LRRC4C: variants seen among roughly 807,000 people sequenced by gnomAD.
LRRC4C encodes the protein leucine-rich repeat-containing protein 4C.
A neutral mutation model predicts 33.6 loss-of-function variants in LRRC4C; 5 were observed. The observed-to-expected ratio is 0.15, with a 90% CI of 0.08 to 0.31. LRRC4C has a LOEUF of 0.31. Ranked by LOEUF, LRRC4C falls within the 10% of genes least tolerant of loss-of-function variation. The pLI is 1.00. For synonymous variants in LRRC4C, 329 were observed against 302.0 expected, an observed-to-expected ratio of 1.09 and a Z score of -0.93; for missense variants, 560 against 796.7, an observed-to-expected ratio of 0.70 and a Z score of 3.58.
intron 2 of LRRC4C, among the ~76,000 whole-genome samples, chr11:40,851,752 G>C (rs1448166835): frequency 2.6e-5 from 4 of 152,142 alleles, no homozygotes; most frequent in Admixed American, 2.6e-4. Flanking sequence ...CCTGGCAACA[G>C]AGTGAGACTC....
intron 1 of LRRC4C, among the ~76,000 whole-genome samples, chr11:41,453,469 A>G (rs764024580): frequency 2.6e-5 from 4 of 152,114 alleles, no homozygotes; most frequent in Non-Finnish European, 4.4e-5. Context: ...TTGCATTTAC[A>G]GAAGGCTTGC....
intron 5 of LRRC4C, among the ~76,000 whole-genome samples, chr11:40,151,585 A>G (rs766525178): frequency 6.6e-5 from 10 of 152,212 alleles, no homozygotes; most frequent in Non-Finnish European, 1.5e-4. Context: ...TCAGCCTTAA[A>G]TTGTTCTGAA....
intron 4 of LRRC4C, among the ~76,000 whole-genome samples, chr11:40,313,976 T>C (rs755745263): frequency 1.1e-4 from 16 of 151,914 alleles, no homozygotes; most frequent in Non-Finnish European, 2.2e-4. Flanking sequence ...CTCAACAGCA[T>C]GGGCAACAAA....
intron 2 of LRRC4C, among the ~76,000 whole-genome samples, chr11:40,759,828 C>T (rs189513329): frequency 6.6e-6 from 1 of 151,790 alleles, no homozygotes; most frequent in African/African-American, 2.4e-5. Context: ...ACTAAGGGAA[C>T]TTCTAGCCAA....
chr11:40,498,448 C>T (rs73480145), intron 3 of LRRC4C, among the ~76,000 whole-genome samples: 2,530 of 152,222 alleles, frequency 0.017, 43 homozygotes, highest in Middle Eastern at 0.024. Flanking sequence ...AGGTTTACTT[C>T]TTCTCCAAAT....
Position 41,084,847 on chromosome 11 carries a change from T to A in LRRC4C, c.-495-151124A>T, listed in dbSNP as rs1028205914. Among the ~76,000 whole-genome samples the A allele has an allele frequency of 2.0e-5, 3 of 152,132 alleles. No homozygotes were observed. The East Asian group carries it at 5.8e-4, about 29-fold the overall frequency. ...CCGGGTGAAAGAGTGAGACTCTGTC[T>A]AAAACAAACAAAAAACAAACAAACC... On this transcript the variant is annotated intron_variant, in intron 1 of 6. Coordinates refer to ENST00000528697, the MANE Select transcript of LRRC4C (RefSeq NM_001258419.2).
At chr11:40,748,727 T>A (rs954917782) in intron 2 of LRRC4C, among the ~76,000 whole-genome samples, 1 of 152,110 alleles carries the variant, frequency 6.6e-6, no homozygotes, top group Non-Finnish European at 1.5e-5. Context: ...ATATGCTGCC[T>A]ACTAGAAACG....
intron 3 of LRRC4C, among the ~76,000 whole-genome samples, chr11:40,361,482 G>C (rs1294236582): frequency 6.6e-6 from 1 of 152,126 alleles, no homozygotes; most frequent in Non-Finnish European, 1.5e-5. Flanking sequence ...AAGAATATTA[G>C]GTTGGTGCAA....
chr11:41,214,985 T>A (rs1385858417), intron 1 of LRRC4C, among the ~76,000 whole-genome samples: 1 of 145,588 alleles, frequency 6.9e-6, no homozygotes, highest in Non-Finnish European at 1.5e-5. Flanking sequence ...ATTTCCTATG[T>A]TCATTCTCAA....
intron 3 of LRRC4C, 134 bp downstream of exon 3, chr11:40,648,008 T>G (rs7939105): frequency 0.37 from 56,666 of 152,068 alleles, 11,746 homozygotes; most frequent in East Asian, 0.6. Context: ...CATCCACATG[T>G]GTACATTCGG....
intron 3 of LRRC4C, among the ~76,000 whole-genome samples, chr11:40,527,833 C>G (rs915969547): frequency 8.5e-5 from 13 of 152,110 alleles, no homozygotes; most frequent in African/African-American, 3.1e-4. Context: ...ACCACAACCT[C>G]CACCTCCCGG....
intron 1 of LRRC4C, among the ~76,000 whole-genome samples, chr11:41,334,562 G>A (rs534134628): frequency 6.6e-6 from 1 of 152,216 alleles, no homozygotes; most frequent in East Asian, 1.9e-4. Flanking sequence ...GCCAGGCATG[G>A]TGGCTCATGC....
intron 1 of LRRC4C, among the ~76,000 whole-genome samples, chr11:41,171,013 T>C (rs1944952736): frequency 6.6e-6 from 1 of 152,054 alleles, no homozygotes; most frequent in Admixed American, 6.6e-5. Flanking sequence ...ATGCTCATCA[T>C]CACTGGCCAT....
At chr11:40,158,171 C>A (rs543358809) in intron 5 of LRRC4C, among the ~76,000 whole-genome samples, 1 of 152,150 alleles carries the variant, frequency 6.6e-6, no homozygotes, top group African/African-American at 2.4e-5. Flanking sequence ...GAATGTGAAA[C>A]CATACATCGT....
intron 1 of LRRC4C, among the ~76,000 whole-genome samples, chr11:40,946,832 A>G (rs1212086698): frequency 6.6e-6 from 1 of 152,176 alleles, no homozygotes; most frequent in Non-Finnish European, 1.5e-5. Flanking sequence ...TCATCTGCAC[A>G]TGGAACATAC....
intron 3 of LRRC4C, among the ~76,000 whole-genome samples, chr11:40,438,818 T>C (rs1001236401): frequency 6.6e-6 from 1 of 152,266 alleles, no homozygotes; most frequent in Admixed American, 6.5e-5. Context: ...ATGTTAATAA[T>C]GTCAATATCT....
chr11:40,478,216 C>T (rs1225350098), intron 3 of LRRC4C, among the ~76,000 whole-genome samples: 2 of 152,098 alleles, frequency 1.3e-5, no homozygotes, highest in African/African-American at 4.8e-5. Context: ...TTCTCTTATT[C>T]CCTATTATCT....
chr11:40,219,926 G>A (rs982831738), intron 5 of LRRC4C, among the ~76,000 whole-genome samples: 1 of 152,176 alleles, frequency 6.6e-6, no homozygotes, highest in Non-Finnish European at 1.5e-5. Context: ...AACTATGTGA[G>A]CTAACAGATG....
chr11:40,272,155 C>CTGTG (rs891893139), intron 4 of LRRC4C, among the ~76,000 whole-genome samples: 1 of 152,028 alleles, frequency 6.6e-6, no homozygotes, highest in Non-Finnish European at 1.5e-5. Context: ...AAAACGGAAA[C>CTGTG]TGTGATAGGA....
Sources: allele counts gnomAD v4.1 joint callset (sites outside exome capture counted in the v4.1 genomes callset), GRCh38; gene constraint gnomAD v4.1.1; transcripts MANE v1.5; gene names NCBI Gene and HGNC (gene_info 2026-07-23, HGNC 2026-07-21).